RUNX1: variants seen among roughly 807,000 people sequenced by gnomAD.
RUNX1 encodes RUNX family transcription factor 1.
In RUNX1, 19 loss-of-function variants were observed where a neutral mutation model predicts 42.8. That is an observed-to-expected ratio of 0.44 (90% CI 0.31 to 0.65). The LOEUF (loss-of-function observed/expected upper bound fraction) is 0.65, where lower values mean the gene tolerates loss of function less well. RUNX1 is among the 30% of genes least tolerant of loss of function. The pLI is 0.07. For missense variants in RUNX1, 528 were observed against 672.0 expected, an observed-to-expected ratio of 0.79 and a Z score of 2.37; for synonymous variants, 271 against 289.4, an observed-to-expected ratio of 0.94 and a Z score of 0.64.
intron 2 of RUNX1, among the ~76,000 whole-genome samples, chr21:35,000,155 G>A (rs541756396): frequency 1.3e-5 from 2 of 150,802 alleles, no homozygotes; most frequent in South Asian, 2.1e-4. Context: ...AGGAAGAGGT[G>A]TTATAATTCC....
Position 34,791,441 on chromosome 21 carries a change from A to G in RUNX1, c.*694T>C. ...AAAGCTGTAGCTGTTTCTCAAAAAA[A>G]CAAAACAAAACAAAAAAAAACAACT... On this transcript the variant is annotated 3_prime_UTR_variant, in exon 9 of 9. Coordinates refer to ENST00000675419, the MANE Select transcript of RUNX1 (RefSeq NM_001754.5). 1 of 232,542 alleles carries G rather than the reference A, an allele frequency of 4.3e-6. No individual in the cohort carries two copies. Among genetic ancestry groups the G allele is most frequent in the South Asian group, 1.8e-4 (1 of 5,518 alleles). The allele number at this position is 232,542 out of a possible 1,614,324, so 14.4% of individuals were successfully genotyped here. A position where few individuals can be genotyped will look rare whatever the true frequency, so the allele number is the denominator to read the frequency against.
At chr21:34,859,665 C>T (rs945462291) in intron 5 of RUNX1, 87 bp from the exon 6 acceptor site, 12 of 1,126,454 alleles carry the variant, frequency 1.1e-5, no homozygotes, top group Non-Finnish European at 1.5e-5. Flanking sequence ...TTTATGCTGT[C>T]CAGCCCTTCA....
chr21:34,998,370 T>C (rs767243108), intron 2 of RUNX1, among the ~76,000 whole-genome samples: 1 of 151,828 alleles, frequency 6.6e-6, no homozygotes, highest in Non-Finnish European at 1.5e-5. Flanking sequence ...CTTTCAGAGA[T>C]AACAGCGACA....
chr21:34,949,567 G>C (rs2058591277), intron 2 of RUNX1, among the ~76,000 whole-genome samples: 1 of 152,244 alleles, frequency 6.6e-6, no homozygotes, highest in African/African-American at 2.4e-5. Context: ...TGAGGCAAGA[G>C]AACTTTGCTT....
At chr21:34,993,724 C>CAG in intron 2 of RUNX1, among the ~76,000 whole-genome samples, 1 of 143,188 alleles carries the variant, frequency 7.0e-6, no homozygotes, top group African/African-American at 2.9e-5. Flanking sequence ...CACAGGCACA[C>CAG]ACACACAGAC....
intron 6 of RUNX1, among the ~76,000 whole-genome samples, chr21:34,848,103 G>A (rs933632315): frequency 6.6e-6 from 1 of 152,182 alleles, no homozygotes; most frequent in African/African-American, 2.4e-5. Context: ...CCAGCACGGT[G>A]CTATGCCCTA....
At chr21:34,933,541 G>C (rs999701786) in intron 2 of RUNX1, among the ~76,000 whole-genome samples, 2 of 152,154 alleles carry the variant, frequency 1.3e-5, no homozygotes, top group Non-Finnish European at 2.9e-5. Flanking sequence ...GGAGTCATTA[G>C]GATTTATTAC....
At chr21:34,958,092 T>A (rs898699794) in intron 2 of RUNX1, among the ~76,000 whole-genome samples, 1 of 152,154 alleles carries the variant, frequency 6.6e-6, no homozygotes, top group African/African-American at 2.4e-5. Flanking sequence ...TTACAATTAT[T>A]TACCTCCTGT....
intron 2 of RUNX1, among the ~76,000 whole-genome samples, chr21:35,037,090 T>C (rs1477215977): frequency 1.3e-5 from 2 of 152,194 alleles, no homozygotes; most frequent in Admixed American, 6.5e-5. Flanking sequence ...GTCAGCCTTG[T>C]ACAACAATGG....
At chr21:34,838,224 G>GT (rs2057178070) in intron 6 of RUNX1, among the ~76,000 whole-genome samples, 1 of 151,778 alleles carries the variant, frequency 6.6e-6, no homozygotes, top group Non-Finnish European at 1.5e-5. Flanking sequence ...ATCTGTGGCT[G>GT]TAAGTAACAT....
At chr21:35,047,555 A>ACTCT (rs2059407503) in intron 2 of RUNX1, among the ~76,000 whole-genome samples, 20 of 84,310 alleles carry the variant, frequency 2.4e-4, no homozygotes, top group African/African-American at 1.1e-3. Flanking sequence ...ACACACACAC[A>ACTCT]CACACACTCT....
At chr21:34,824,434 T>C (rs1381118943) in intron 7 of RUNX1, among the ~76,000 whole-genome samples, 4 of 152,192 alleles carry the variant, frequency 2.6e-5, no homozygotes, top group African/African-American at 9.7e-5. Context: ...CATCAAAACA[T>C]GAGATGTTCT....
At chr21:34,824,427 C>G (rs2056959295) in intron 7 of RUNX1, among the ~76,000 whole-genome samples, 1 of 152,100 alleles carries the variant, frequency 6.6e-6, no homozygotes, top group Non-Finnish European at 1.5e-5. Context: ...TCTCTAACAT[C>G]AAAACATGAG....
chr21:34,888,476 G>GTTAA, intron 3 of RUNX1: 1 of 1,066,072 alleles, frequency 9.4e-7, no homozygotes, highest in African/African-American at 1.6e-5. Context: ...CAAGAAGCCA[G>GTTAA]TTAATTCAAA....
chr21:34,927,763 A>G (rs578161089), intron 2 of RUNX1, among the ~76,000 whole-genome samples: 1 of 152,314 alleles, frequency 6.6e-6, no homozygotes, highest in South Asian at 2.1e-4. Context: ...TGTTGTCTGA[A>G]AAGAGCTTGC....
intron 2 of RUNX1, among the ~76,000 whole-genome samples, chr21:34,952,262 AG>A (rs1187627855): frequency 3.3e-5 from 5 of 152,186 alleles, no homozygotes; most frequent in African/African-American, 1.2e-4. Context: ...GCAACCCATT[AG>A]GAGAAATACC....
intron 7 of RUNX1, among the ~76,000 whole-genome samples, chr21:34,832,212 T>C (rs1308295835): frequency 6.6e-6 from 1 of 152,232 alleles, no homozygotes; most frequent in Non-Finnish European, 1.5e-5. Context: ...TCCAAAGAGC[T>C]GACGAATGCC....
chr21:34,848,444 T>C (rs2057347626), intron 6 of RUNX1, among the ~76,000 whole-genome samples: 1 of 152,164 alleles, frequency 6.6e-6, no homozygotes. Flanking sequence ...CTGGTTCACT[T>C]TATTTTTTGA....
chr21:34,833,322 T>C (rs1476496690), intron 7 of RUNX1: 2 of 152,180 alleles, frequency 1.3e-5, no homozygotes, highest in African/African-American at 4.8e-5. Context: ...GCCAGGATGG[T>C]CTCCATCTCC....
Sources: gnomAD v4.1 joint callset for allele counts (sites outside exome capture counted in the v4.1 genomes callset) on GRCh38, gnomAD v4.1.1 for gene constraint, MANE v1.5 for transcripts, NCBI Gene and HGNC (gene_info 2026-07-23, HGNC 2026-07-21) for gene names.